The following RASSF9 variants were observed in gnomAD, a reference collection of about 807,000 sequenced individuals.
RASSF9 encodes Ras association domain family member 9.
In RASSF9, 18 loss-of-function variants were observed where a neutral mutation model predicts 21.4. The ratio of observed to expected loss-of-function variants is 0.84; its 90% CI spans 0.58 to 1.25. RASSF9 has a LOEUF of 1.25. RASSF9 is among the 50% of genes most tolerant of loss of function. The pLI is 0.00. For synonymous variants in RASSF9, 183 were observed against 179.1 expected (o/e 1.02, Z -0.18); for missense variants, 480 against 503.2 (o/e 0.95, Z 0.44).
rs761794175 is a variant in RASSF9, at chr12:85,805,345, C to T, written c.665G>A (p.Arg222Gln). Reference sequence around the variant, plus strand: ...ATAGTTTTCTCCATCATTTTCTACTCGATCAAGATGGAACTTAGCTTCACA... The same window carrying T: ...ATAGTTTTCTCCATCATTTTCTACTTGATCAAGATGGAACTTAGCTTCACA... ...EKCEAKFHLD[R>Q]VENDGENYVQ... Residue 222 changes from arginine (R) to glutamine (Q), a missense_variant, in exon 2 of 2, where the codon CGA becomes CAA. Physicochemically the swap from Arg to Gln is conservative, Grantham distance 43. Transcript: ENST00000361228. 15 of 1,613,354 alleles carry T rather than the reference C, an allele frequency of 9.3e-6. No individual in the cohort carries two copies. Among genetic ancestry groups the T allele is most frequent in the South Asian group, 8.8e-5 (8 of 91,070 alleles).
chr12:85,819,227 T>A (rs1346341209), intron 1 of RASSF9, among the ~76,000 whole-genome samples: 1 of 152,016 alleles, frequency 6.6e-6, no homozygotes, highest in Non-Finnish European at 1.5e-5. Context: ...TTTTTCTTTT[T>A]TTAGAGACAG....
chr12:85,831,385 C>G (rs1050746542), intron 1 of RASSF9, among the ~76,000 whole-genome samples: 8 of 151,950 alleles, frequency 5.3e-5, no homozygotes, highest in Non-Finnish European at 1.0e-4. Flanking sequence ...ATGTGTCAGG[C>G]ACTGACACTG....
chr12:85,825,058 A>C (rs1880300919), intron 1 of RASSF9, among the ~76,000 whole-genome samples: 1 of 152,162 alleles, frequency 6.6e-6, no homozygotes, highest in Non-Finnish European at 1.5e-5. Context: ...GCTGGAGTAC[A>C]GTGGTGCGAT....
At chr12:85,834,760 A>C (rs542753702) in intron 1 of RASSF9, among the ~76,000 whole-genome samples, 1 of 152,274 alleles carries the variant, frequency 6.6e-6, no homozygotes, top group East Asian at 1.9e-4. Context: ...ATACCACTAC[A>C]AAAATATCAT....
rs954624375 is a variant in RASSF9, at chr12:85,803,217, A to C, written c.*1485T>G. 6.6e-6 allele frequency: 1 copy of C among 152,126 alleles called. No individual in the cohort carries two copies. The highest frequency in any genetic ancestry group is 1.5e-5 in the Non-Finnish European group (1 of 67,998). 9.4% of individuals were successfully genotyped at this position (152,126 alleles called of 1,614,324 possible). On this transcript the variant is annotated 3_prime_UTR_variant, in exon 2 of 2. Transcript: ENST00000361228. Reference sequence around the variant, plus strand: ...ATTTTGAAAGTAAAACAATAAGAAAACTGAGTTAAAACCTGCACTAAAAGT... The same window carrying C: ...ATTTTGAAAGTAAAACAATAAGAAACCTGAGTTAAAACCTGCACTAAAAGT...
intron 1 of RASSF9, among the ~76,000 whole-genome samples, chr12:85,834,603 A>G (rs1203353494): frequency 6.6e-6 from 1 of 152,104 alleles, no homozygotes; most frequent in Non-Finnish European, 1.5e-5. Flanking sequence ...AAGCAAAACA[A>G]AAAAACCTCA....
intron 1 of RASSF9, among the ~76,000 whole-genome samples, chr12:85,832,250 C>A (rs899265036): frequency 4.0e-5 from 6 of 151,804 alleles, no homozygotes; most frequent in African/African-American, 7.2e-5. Context: ...TTCTAATTTC[C>A]TATTTTGAAA....
At position 85,804,096 on chromosome 12, in the gene RASSF9, A is replaced by G. The variant is rs1879759441; in HGVS notation, c.*606T>C. 6.6e-6 allele frequency: 1 copy of G among 152,194 alleles called. No homozygotes were observed. Among genetic ancestry groups the G allele is most frequent in the African/African-American group, 2.4e-5 (1 of 41,408 alleles). 9.4% of individuals were successfully genotyped at this position (152,194 alleles called of 1,614,324 possible). A position where few individuals can be genotyped will look rare whatever the true frequency, so the allele number is the denominator to read the frequency against. On this transcript the variant is annotated 3_prime_UTR_variant, in exon 2 of 2. Transcript: ENST00000361228. ...TGGCCCTGCCTCATCTGTACCCTAT[A>G]CGTGTCTGATTCCCTGCCAGTATTT...
intron 1 of RASSF9, among the ~76,000 whole-genome samples, chr12:85,821,971 T>C (rs567088006): frequency 1.1e-4 from 17 of 152,198 alleles, no homozygotes; most frequent in South Asian, 4.1e-4. Context: ...GGTGAGAAAA[T>C]ATCTAATCTT....
rs910468120 is a variant in RASSF9, at chr12:85,805,854, G to A, written c.156C>T (p.Val52=). ...GLTKRTTSAD[V]IQALLEEHEA... ...CATGTTCCTCAAGCAAAGCCTGGAT[G>A]ACATCAGCAGAGGTGGTGCGTTTAG... The change falls in exon 2 of 2, where the codon GTC becomes GTT. Residue 52 remains valine (V), a synonymous_variant. Coordinates refer to ENST00000361228, the MANE Select transcript of RASSF9 (RefSeq NM_005447.4). 4.3e-6 allele frequency: 7 copies of A among 1,613,804 alleles called. No individual in the cohort carries two copies. The highest frequency in any genetic ancestry group is 1.6e-4 in the Middle Eastern group (1 of 6,084).
At chr12:85,827,607 A>G (rs560993777) in intron 1 of RASSF9, among the ~76,000 whole-genome samples, 1 of 152,300 alleles carries the variant, frequency 6.6e-6, no homozygotes, top group East Asian at 1.9e-4. Context: ...TAGGTCCTCA[A>G]CTACATTCCC....
Position 85,805,804 on chromosome 12 carries a change from A to C in RASSF9, c.206T>G (p.Phe69Cys). The stretch of plus-strand genomic sequence containing the variant: ...GTAATCACTGGGCTTCCCCAGAAGA[A>C]ATCGTTTCTCTCCAAACGTAGCCTC... ...EHEATFGEKR[F>C]LLGKPSDYCI... The change falls in exon 2 of 2, where the codon TTT becomes TGT. Residue 69 changes from phenylalanine (F) to cysteine (C), a missense_variant. By Grantham distance (205) the Phe-to-Cys change is radical (BLOSUM62 -2). Coordinates refer to ENST00000361228, the MANE Select transcript of RASSF9 (RefSeq NM_005447.4). The C allele has an allele frequency of 6.2e-7, 1 of 1,613,762 alleles. No individual in the cohort carries two copies. The highest frequency in any genetic ancestry group is 2.2e-5 in the East Asian group (1 of 44,868).
chr12:85,826,447 A>ATTTTTTT (rs560187497), intron 1 of RASSF9, among the ~76,000 whole-genome samples: 33 of 130,646 alleles, frequency 2.5e-4, no homozygotes, highest in African/African-American at 9.4e-4. Flanking sequence ...TCCTTCCAAT[A>ATTTTTTT]TTTTTTTTTT....
At chr12:85,828,680 T>C (rs560953648) in intron 1 of RASSF9, among the ~76,000 whole-genome samples, 1 of 152,248 alleles carries the variant, frequency 6.6e-6, no homozygotes, top group East Asian at 1.9e-4. Flanking sequence ...TGGCTATTAA[T>C]TATAGTTCTA....
At chr12:85,818,932 C>G (rs902906505) in intron 1 of RASSF9, among the ~76,000 whole-genome samples, 22 of 134,924 alleles carry the variant, frequency 1.6e-4, no homozygotes, top group Non-Finnish European at 4.5e-5. Flanking sequence ...ATACTCCAGC[C>G]TGGGCGAGAG....
intron 1 of RASSF9, among the ~76,000 whole-genome samples, chr12:85,809,445 A>G (rs1409866181): frequency 6.6e-6 from 1 of 151,922 alleles, no homozygotes; most frequent in Admixed American, 6.6e-5. Flanking sequence ...AATTTTAGTC[A>G]AATCTTGTTC....
rs144280741 is a variant in RASSF9 at position 85,830,076 on chromosome 12, G to A, written c.47+6079C>T. ...CTCAGAACATTCCTATAACTGTGTT[G>A]CTAAACTATCTCAAATGAGTAGGAG... On this transcript the variant is annotated intron_variant, in intron 1 of 1. Transcript: ENST00000361228. Among the ~76,000 whole-genome samples the A allele has an allele frequency of 3.3e-4, 50 of 152,200 alleles. No individual in the cohort carries two copies. The East Asian group carries it at 9.1e-3, about 28-fold the overall frequency.
chr12:85,804,588 T>G lies in RASSF9; in HGVS notation c.*114A>C. The G allele has an allele frequency of 9.1e-7, 1 of 1,093,970 alleles. No individual in the cohort carries two copies. Among genetic ancestry groups the G allele is most frequent in the Non-Finnish European group, 1.2e-6 (1 of 801,246 alleles). 67.8% of individuals were successfully genotyped at this position (1,093,970 alleles called of 1,614,324 possible). On this transcript the variant is annotated 3_prime_UTR_variant, in exon 2 of 2. Coordinates refer to ENST00000361228, the MANE Select transcript of RASSF9 (RefSeq NM_005447.4). Reference sequence around the variant, plus strand: ...ACATTTCTCGAGTTTTTATTAACTATTGAATACTACAATATGATTTACATT... The same window carrying G: ...ACATTTCTCGAGTTTTTATTAACTAGTGAATACTACAATATGATTTACATT...
chr12:85,805,349 C>T lies in RASSF9; in HGVS notation c.661G>A (p.Asp221Asn). ...TTTTCTCCATCATTTTCTACTCGATCAAGATGGAACTTAGCTTCACACTTT... is the reference window on the plus strand; with the variant it reads ...TTTTCTCCATCATTTTCTACTCGATTAAGATGGAACTTAGCTTCACACTTT... ...IEKCEAKFHL[D>N]RVENDGENYV... Residue 221 changes from aspartate to asparagine, a missense_variant, in exon 2 of 2, where the codon GAT becomes AAT. By Grantham distance (23) the Asp-to-Asn change is conservative (BLOSUM62 1). Coordinates refer to ENST00000361228, the MANE Select transcript of RASSF9 (RefSeq NM_005447.4). The T allele has an allele frequency of 1.2e-6, 2 of 1,613,468 alleles. No homozygotes were observed. The highest frequency in any genetic ancestry group is 2.2e-5 in the South Asian group (2 of 91,036).
Sources: gnomAD v4.1 joint callset for allele counts (sites outside exome capture counted in the v4.1 genomes callset) on GRCh38, gnomAD v4.1.1 for gene constraint, MANE v1.5 for transcripts, NCBI Gene and HGNC (gene_info 2026-07-23, HGNC 2026-07-21) for gene names.